Variants in IL17RD observed in about 807,000 individuals in gnomAD.
IL17RD encodes the protein interleukin-17 receptor D.
A neutral mutation model predicts 80.5 loss-of-function variants in IL17RD; 52 were observed. That is an observed-to-expected ratio of 0.65 (90% CI 0.52 to 0.81). The LOEUF (loss-of-function observed/expected upper bound fraction) is 0.81, where lower values mean the gene tolerates loss of function less well. IL17RD is among the 40% of genes least tolerant of loss of function. The probability of loss-of-function intolerance (pLI) is 0.00; values close to 1 mark genes in which losing one functional copy is unlikely to be tolerated. For missense variants in IL17RD, 1,024 were observed against 955.1 expected (o/e 1.07, Z -0.95); for synonymous variants, 416 against 391.8 (o/e 1.06, Z -0.73).
intron 1 of IL17RD, among the ~76,000 whole-genome samples, chr3:57,123,440 G>A (rs1218276996): frequency 1.3e-5 from 2 of 152,028 alleles, no homozygotes; most frequent in Non-Finnish European, 2.9e-5. Context: ...AATGTCCTTG[G>A]GCATGCCTGC....
intron 8 of IL17RD, among the ~76,000 whole-genome samples, chr3:57,103,842 T>C (rs1186010435): frequency 6.6e-6 from 1 of 152,044 alleles, no homozygotes; most frequent in African/African-American, 2.4e-5. Flanking sequence ...GTAGCTGGGA[T>C]TACAGGCGCC....
intron 1 of IL17RD, 46 bp downstream of exon 1, chr3:57,165,115 C>A: frequency 6.8e-7 from 1 of 1,476,322 alleles, no homozygotes; most frequent in South Asian, 1.3e-5. Context: ...CGCGCTGCGT[C>A]CCCCGCGAGT....
At position 57,098,099 on chromosome 3, in the gene IL17RD, C is replaced by A; in HGVS notation, c.1604G>T (p.Arg535Leu). ...GTATAGGGACCGGCCTGACTTGCTC[C>A]GGAAGTAGTTCCTTCTGCTGCCCTG... is the stretch of plus-strand genomic sequence containing the variant. ...TRQGSRRNYF[R>L]SKSGRSLYVA... is the part of the protein sequence containing the mutation. Residue 535 changes from arginine to leucine, a missense_variant, in exon 12 of 13, where the codon CGG becomes CTG. Arg to Leu is a moderately radical substitution (Grantham distance 102). Transcript: ENST00000296318. 1.2e-6 allele frequency: 2 copies of A among 1,613,982 alleles called. No homozygotes were observed. The highest frequency in any genetic ancestry group is 1.7e-6 in the Non-Finnish European group (2 of 1,179,880).
rs1193022363 is a variant in IL17RD at position 57,092,110 on chromosome 3, C to T, written c.*4283G>A. ...CAAAACACAGTCAATTCACAGACCA[C>T]TTAAAACGGAAGATAATGCAAATAC... On this transcript the variant is annotated 3_prime_UTR_variant, in exon 13 of 13. Transcript: ENST00000296318. 6.6e-6 allele frequency: 1 copy of T among 152,644 alleles called. No homozygotes were observed. Among genetic ancestry groups the T allele is most frequent in the African/African-American group, 2.4e-5 (1 of 41,448 alleles). The allele number at this position is 152,644 out of a possible 1,614,324, so 9.5% of individuals were successfully genotyped here. A position where few individuals can be genotyped will look rare whatever the true frequency, so the allele number is the denominator to read the frequency against.
At position 57,102,461 on chromosome 3, in the gene IL17RD, C is replaced by G; in HGVS notation, c.979+18G>C. 3 of 1,420,620 alleles carry G rather than the reference C, an allele frequency of 2.1e-6. No individual in the cohort carries two copies. The South Asian group carries it at 4.0e-5, about 19-fold the overall frequency. 88.0% of individuals were successfully genotyped at this position (1,420,620 alleles called of 1,614,324 possible). A position where few individuals can be genotyped will look rare whatever the true frequency, so the allele number is the denominator to read the frequency against. ...GCCTGCCCCTTGTTGTGGGGAGACA[C>G]AGCACACAAAGAGATACCTTGTTGC... On this transcript the variant is annotated intron_variant, in intron 10 of 12. Coordinates refer to ENST00000296318, the MANE Select transcript of IL17RD (RefSeq NM_017563.5).
chr3:57,111,698 C>T (rs79932559), intron 3 of IL17RD, among the ~76,000 whole-genome samples: 24,024 of 151,930 alleles, frequency 0.16, 2,440 homozygotes, highest in East Asian at 0.35. Context: ...GGGCCGGGCG[C>T]GGTGACTCAC....
intron 1 of IL17RD, chr3:57,164,891 C>T: frequency 4.1e-6 from 5 of 1,223,040 alleles, no homozygotes; most frequent in Non-Finnish European, 5.1e-6. Context: ...CCCTCACGCC[C>T]GCCCTCTGAA....
rs1001880292 is a variant in IL17RD at position 57,095,060 on chromosome 3, T to A, written c.*1333A>T. Reference sequence around the variant, plus strand: ...TCCCACCTCCCACCTTGCCTCAGGATGTTTCTCAACATACCCCTTCATGTT... The same window carrying A: ...TCCCACCTCCCACCTTGCCTCAGGAAGTTTCTCAACATACCCCTTCATGTT... On this transcript the variant is annotated 3_prime_UTR_variant, in exon 13 of 13. Coordinates refer to ENST00000296318, the MANE Select transcript of IL17RD (RefSeq NM_017563.5). 1 of 152,566 alleles carries A rather than the reference T, an allele frequency of 6.6e-6. No homozygotes were observed. The highest frequency in any genetic ancestry group is 1.5e-5 in the Non-Finnish European group (1 of 68,050). The allele number at this position is 152,566 out of a possible 1,614,324, so 9.5% of individuals were successfully genotyped here.
rs1364101676 is a variant in IL17RD, at chr3:57,165,282, G to C, written c.5C>G (p.Ala2Gly). 6.1e-6 allele frequency: 9 copies of C among 1,476,498 alleles called. No individual in the cohort carries two copies. In the South Asian group the frequency reaches 7.9e-5, roughly 13 times the overall value. The allele number at this position is 1,476,498 out of a possible 1,614,324, so 91.5% of individuals were successfully genotyped here. A position where few individuals can be genotyped will look rare whatever the true frequency, so the allele number is the denominator to read the frequency against. Residue 2 changes from alanine (A) to glycine (G), a missense_variant, in exon 1 of 13, where the codon GCC becomes GGC. Coordinates refer to ENST00000296318, the MANE Select transcript of IL17RD (RefSeq NM_017563.5). ...GACGGAGCAGAGCTGCAGCCACGGG[G>C]CCATGGCCGTGCGCTCGCCCAGCCA... M[A>G]PWLQLCSVFF...
Position 57,091,488 on chromosome 3 carries a change from C to A in IL17RD, c.*4905G>T, listed in dbSNP as rs1200934757. The A allele has an allele frequency of 6.6e-6, 1 of 152,522 alleles. No individual in the cohort carries two copies. Among genetic ancestry groups the A allele is most frequent in the Non-Finnish European group, 1.5e-5 (1 of 68,040 alleles). 9.4% of individuals were successfully genotyped at this position (152,522 alleles called of 1,614,324 possible). ...TCCTGAGCCTCGTCTTCACAAGGCA[C>A]CAATGTGAGTAAGGCACCAACATTG... On this transcript the variant is annotated 3_prime_UTR_variant, in exon 13 of 13. Transcript: ENST00000296318.
chr3:57,134,159 G>T, intron 1 of IL17RD: 1 of 648,268 alleles, frequency 1.5e-6, no homozygotes. Flanking sequence ...GGTTTCAGAT[G>T]AGGCTCGCCT....
intron 1 of IL17RD, among the ~76,000 whole-genome samples, chr3:57,128,505 T>C (rs1707541254): frequency 6.6e-6 from 1 of 151,538 alleles, no homozygotes; most frequent in Non-Finnish European, 1.5e-5. Flanking sequence ...CTAGTTTTCA[T>C]CCAAATTTCT....
In IL17RD at chr3:57,120,172, G is replaced by A. The variant is rs187313896; in HGVS notation, c.184+84C>T. On this transcript the variant is annotated intron_variant, in intron 2 of 12. Transcript: ENST00000296318. ...CAGAAAATTCGTCAACCCCAAGACT[G>A]CAGAGTCCTTGATTAAGCATGGCTA... 2.4e-4 allele frequency: 265 copies of A among 1,127,382 alleles called. 3 individuals are homozygous for A. The East Asian group carries it at 3.8e-3, about 16-fold the overall frequency. 69.8% of individuals were successfully genotyped at this position (1,127,382 alleles called of 1,614,324 possible).
chr3:57,163,517 G>T (rs1004281053), intron 1 of IL17RD, among the ~76,000 whole-genome samples: 1 of 151,888 alleles, frequency 6.6e-6, no homozygotes, highest in Non-Finnish European at 1.5e-5. Context: ...GCAAAACAGT[G>T]AATCGGACTG....
intron 1 of IL17RD, among the ~76,000 whole-genome samples, chr3:57,158,252 T>C (rs1442022837): frequency 1.3e-5 from 2 of 152,208 alleles, no homozygotes; most frequent in Non-Finnish European, 2.9e-5. Flanking sequence ...AGATCAGGTA[T>C]GGAATGAAGA....
chr3:57,112,635 T>G (rs1474329301), intron 3 of IL17RD, among the ~76,000 whole-genome samples: 3 of 152,240 alleles, frequency 2.0e-5, no homozygotes, highest in African/African-American at 2.4e-5. Flanking sequence ...CACTTCCTTT[T>G]TATCTACAGA....
chr3:57,149,564 C>G (rs953573373), intron 1 of IL17RD, among the ~76,000 whole-genome samples: 13 of 152,208 alleles, frequency 8.5e-5, no homozygotes, highest in Non-Finnish European at 1.6e-4. Context: ...AATAGGGTAG[C>G]CTCTAGCCAT....
intron 11 of IL17RD, among the ~76,000 whole-genome samples, chr3:57,100,089 AACTATTAC>A (rs1331487013): frequency 1.3e-5 from 2 of 152,240 alleles, no homozygotes; most frequent in African/African-American, 4.8e-5. Context: ...TTTCTACAAT[AACTATTAC>A]ACTAATAACT....
chr3:57,103,255 G>A (rs1706879357), intron 8 of IL17RD, 110 bp from the exon 9 acceptor site: 1 of 890,808 alleles, frequency 1.1e-6, no homozygotes, highest in Non-Finnish European at 1.8e-6. Context: ...AGTGCGGGAA[G>A]GGGTGGGAAG....
Sources: gnomAD v4.1 joint callset for allele counts (sites outside exome capture counted in the v4.1 genomes callset) on GRCh38, gnomAD v4.1.1 for gene constraint, MANE v1.5 for transcripts, NCBI Gene and HGNC (gene_info 2026-07-23, HGNC 2026-07-21) for gene names.